The following PAN3 variants were observed in gnomAD, a reference collection of about 807,000 sequenced individuals.
PAN3 encodes PAN2-PAN3 deadenylation complex subunit PAN3.
In PAN3, 19 loss-of-function variants were observed where a neutral mutation model predicts 96.2. The ratio of observed to expected loss-of-function variants is 0.20; its 90% CI spans 0.14 to 0.29. The LOEUF (loss-of-function observed/expected upper bound fraction) is 0.29, where lower values mean the gene tolerates loss of function less well. Among genes scored for constraint, PAN3 ranks in the 10% least tolerant of loss-of-function variants. The pLI is 1.00. For synonymous variants in PAN3, 433 were observed against 406.6 expected (o/e 1.06, Z -0.78); for missense variants, 882 against 1,108.1 (o/e 0.80, Z 2.90).
rs1875247110 is a variant in PAN3 at position 28,177,867 on chromosome 13, C to T, written c.622C>T (p.Pro208Ser). ...AACTTACGTAACTTACCTTTCAGAT[C>T]CTCTAACATCACCTGCTTCATCCTT... ...DSAKPYSAHDPLTSPASSLFN... is the reference protein window; with the variant it reads ...DSAKPYSAHDSLTSPASSLFN... The change falls in exon 4 of 19, where the codon CCT becomes TCT. Residue 208 changes from proline to serine, a missense_variant and splice_region_variant. By Grantham distance (74) the Pro-to-Ser change is moderately conservative. Around this residue, in one of 3 missense-constraint regions of PAN3, gnomAD observed 442 missense variants for 422.8 expected, o/e 1.05. Coordinates refer to ENST00000380958, the MANE Select transcript of PAN3 (RefSeq NM_175854.8). The T allele has an allele frequency of 6.2e-7, 1 of 1,612,342 alleles. No homozygotes were observed. The highest frequency in any genetic ancestry group is 8.5e-7 in the Non-Finnish European group (1 of 1,178,688).
At chr13:28,212,906 T>C (rs927420048) in intron 5 of PAN3, among the ~76,000 whole-genome samples, 3 of 152,108 alleles carry the variant, frequency 2.0e-5, no homozygotes, top group African/African-American at 2.4e-5. Flanking sequence ...TAAGAAATAA[T>C]GGGCAACATT....
intron 6 of PAN3, 59 bp from the exon 7 acceptor site, chr13:28,256,233 G>C (rs1885123325): frequency 1.3e-5 from 20 of 1,521,506 alleles, no homozygotes; most frequent in Non-Finnish European, 1.7e-5. Flanking sequence ...TTATTTTCCA[G>C]ACTTGTTCTC....
intron 18 of PAN3, among the ~76,000 whole-genome samples, chr13:28,288,512 G>A (rs936421064): frequency 6.6e-5 from 10 of 152,066 alleles, no homozygotes; most frequent in South Asian, 2.1e-4. Context: ...GGCTGGTCTC[G>A]AACTCCTCAC....
intron 5 of PAN3, among the ~76,000 whole-genome samples, chr13:28,208,917 GT>G (rs1218255855): frequency 1.3e-5 from 2 of 152,194 alleles, no homozygotes; most frequent in Admixed American, 1.3e-4. Flanking sequence ...TTTCTTAGAA[GT>G]TTTTTGTAAA....
chr13:28,246,925 T>C (rs908739174), intron 6 of PAN3, among the ~76,000 whole-genome samples: 2 of 152,208 alleles, frequency 1.3e-5, no homozygotes, highest in African/African-American at 4.8e-5. Flanking sequence ...TTCTTTTCTT[T>C]GTATAAACCC....
At chr13:28,280,342 A>G in intron 15 of PAN3, 70 bp from the exon 16 acceptor site, 1 of 1,498,398 alleles carries the variant, frequency 6.7e-7, no homozygotes, top group South Asian at 1.3e-5. Flanking sequence ...CAAAACAGCT[A>G]TGTTTGGGTT....
In PAN3 at chr13:28,288,079, C is replaced by T; in HGVS notation, c.2480C>T (p.Ala827Val). The change falls in exon 18 of 19, where the codon GCT (alanine) becomes GTT (valine). Residue 827 changes from alanine (A) to valine (V), a missense_variant. Coordinates refer to ENST00000380958, the MANE Select transcript of PAN3 (RefSeq NM_175854.8). The stretch of plus-strand genomic sequence containing the variant: ...TTTCATCAGGTGACAGAAGCAGGTG[C>T]TCCCTGGATTGACCTCAGTCATATA... Reference protein sequence around the residue: ...HLFHQVTEAGAPWIDLSHIIS... With the variant: ...HLFHQVTEAGVPWIDLSHIIS... 6.2e-7 allele frequency: 1 copy of T among 1,613,182 alleles called. No homozygotes were observed. Among genetic ancestry groups the T allele is most frequent in the Non-Finnish European group, 8.5e-7 (1 of 1,179,530 alleles).
intron 5 of PAN3, among the ~76,000 whole-genome samples, chr13:28,216,352 G>T (rs1880770712): frequency 6.6e-6 from 1 of 152,092 alleles, no homozygotes; most frequent in Non-Finnish European, 1.5e-5. Flanking sequence ...AAAGGAGAGA[G>T]GGGTTTATAA....
chr13:28,184,063 C>T (rs562545540), intron 4 of PAN3, among the ~76,000 whole-genome samples: 1 of 152,088 alleles, frequency 6.6e-6, no homozygotes, highest in Non-Finnish European at 1.5e-5. Flanking sequence ...TTGAGATGTT[C>T]AGGCCTCCTC....
chr13:28,147,273 C>T (rs565481197), intron 1 of PAN3, among the ~76,000 whole-genome samples: 15 of 152,254 alleles, frequency 9.9e-5, no homozygotes, highest in African/African-American at 1.9e-4. Flanking sequence ...ATTCATTTAT[C>T]AGAATGTAGC....
At chr13:28,198,288 T>TC (rs1878304741) in intron 5 of PAN3, among the ~76,000 whole-genome samples, 1 of 137,038 alleles carries the variant, frequency 7.3e-6, no homozygotes. Context: ...AGATTCTGTC[T>TC]CAAAAAAAAA....
chr13:28,189,778 T>A (rs1308761901), intron 4 of PAN3, among the ~76,000 whole-genome samples: 1 of 152,166 alleles, frequency 6.6e-6, no homozygotes, highest in Non-Finnish European at 1.5e-5. Context: ...GAAACACAGA[T>A]TCTTAGACCT....
At chr13:28,244,627 A>G (rs564282700) in intron 6 of PAN3, among the ~76,000 whole-genome samples, 1 of 152,218 alleles carries the variant, frequency 6.6e-6, no homozygotes, top group African/African-American at 2.4e-5. Flanking sequence ...GCCTCTATCA[A>G]ACATCTATCT....
rs191146104 is a variant in PAN3, at chr13:28,208,581, C to G, written c.852+11235C>G. Among the ~76,000 whole-genome samples, 665 of 151,954 alleles carry G rather than the reference C, an allele frequency of 4.4e-3. 9 individuals are homozygous for G. The highest frequency in any genetic ancestry group is 0.015 in the African/African-American group (632 of 41,452). On this transcript the variant is annotated intron_variant, in intron 5 of 18. Coordinates refer to ENST00000380958, the MANE Select transcript of PAN3 (RefSeq NM_175854.8). The stretch of plus-strand genomic sequence containing the variant: ...CCATTTAGTGGTTGAGCATCTTAAA[C>G]CTGAGAAGACCTGGCCCGAAATACT...
At chr13:28,194,660 G>A (rs1037153481) in intron 4 of PAN3, among the ~76,000 whole-genome samples, 1 of 151,560 alleles carries the variant, frequency 6.6e-6, no homozygotes, top group Non-Finnish European at 1.5e-5. Context: ...AGTAGAGATG[G>A]TGTTTCACCT....
chr13:28,216,733 C>G (rs1177293498), intron 5 of PAN3, among the ~76,000 whole-genome samples: 1 of 151,806 alleles, frequency 6.6e-6, no homozygotes, highest in African/African-American at 2.4e-5. Context: ...TCTTATAGGC[C>G]TTTTTGGGCC....
At chr13:28,202,305 T>G (rs552307881) in intron 5 of PAN3, among the ~76,000 whole-genome samples, 19 of 152,328 alleles carry the variant, frequency 1.2e-4, no homozygotes, top group Non-Finnish European at 2.6e-4. Context: ...TATCTGTCTC[T>G]AATTCTTACT....
At chr13:28,216,307 C>T (rs896455777) in intron 5 of PAN3, among the ~76,000 whole-genome samples, 2 of 151,672 alleles carry the variant, frequency 1.3e-5, no homozygotes, top group African/African-American at 4.8e-5. Context: ...CAGTGGTTTC[C>T]TGGAGACTTG....
chr13:28,188,791 T>C (rs1364271684), intron 4 of PAN3, among the ~76,000 whole-genome samples: 1 of 152,220 alleles, frequency 6.6e-6, no homozygotes, highest in Non-Finnish European at 1.5e-5. Context: ...ATGTGACTGA[T>C]AATGTGAGGC....
Sources: allele counts gnomAD v4.1 joint callset (sites outside exome capture counted in the v4.1 genomes callset), GRCh38; gene constraint gnomAD v4.1.1; regional missense constraint gnomAD v4.1.1; transcripts MANE v1.5; gene names NCBI Gene and HGNC (gene_info 2026-07-23, HGNC 2026-07-21).